FGF13: variants seen among roughly 807,000 people sequenced by gnomAD.
FGF13 encodes the protein fibroblast growth factor 13.
In FGF13, 2 loss-of-function variants were observed where a neutral mutation model predicts 19.5. That is an observed-to-expected ratio of 0.10 (90% CI 0.04 to 0.32). The LOEUF is 0.32. Among genes scored for constraint, FGF13 ranks in the 10% least tolerant of loss-of-function variants. The pLI is 1.00. For missense variants in FGF13, 113 were observed against 192.7 expected (o/e 0.59, Z 2.45); for synonymous variants, 72 against 76.9 (o/e 0.94, Z 0.33).
At chrX:138,890,530 A>G (rs1049141364) in intron 1 of FGF13, among the ~76,000 whole-genome samples, 1 of 111,990 alleles carries the variant, frequency 8.9e-6, no homozygotes, top group Non-Finnish European at 1.9e-5. Flanking sequence ...TTGTACATAC[A>G]TTAATTCACT....
upstream of FGF13, chrX:138,716,592 AAAAT>A (rs1260215901): frequency 1.8e-5 from 2 of 111,776 alleles, no homozygotes; most frequent in African/African-American, 6.5e-5. Context: ...AAAAAAAAGA[AAAAT>A]AAGAAAAAAG....
chrX:138,671,462 C>T (rs1215228410), intron 3 of FGF13, among the ~76,000 whole-genome samples: 1 of 111,644 alleles, frequency 9.0e-6, no homozygotes, highest in Non-Finnish European at 1.9e-5. Context: ...CTCTTGGAAG[C>T]TCTTTCAATG....
intron 1 of FGF13, among the ~76,000 whole-genome samples, chrX:139,030,871 T>C (rs2092224089): frequency 8.9e-6 from 1 of 112,101 alleles, no homozygotes; most frequent in Non-Finnish European, 1.9e-5. Flanking sequence ...ATTAGTCAAA[T>C]GCTAGCCCAG....
chrX:139,015,301 T>C (rs1345238017), intron 1 of FGF13, among the ~76,000 whole-genome samples: 1 of 110,949 alleles, frequency 9.0e-6, no homozygotes, highest in Non-Finnish European at 1.9e-5. Flanking sequence ...TGGTATAATC[T>C]TACATTTGGA....
intron 1 of FGF13, among the ~76,000 whole-genome samples, chrX:139,110,716 G>A (rs1374090985): frequency 8.9e-6 from 1 of 112,329 alleles, no homozygotes; most frequent in Non-Finnish European, 1.9e-5. Context: ...GTCTCCAGCT[G>A]TTTAGCTTTT....
chrX:138,876,628 T>C (rs970535088), intron 1 of FGF13, among the ~76,000 whole-genome samples: 2 of 111,997 alleles, frequency 1.8e-5, no homozygotes, highest in Non-Finnish European at 3.8e-5. Context: ...AACAATCACA[T>C]GAGCTTAGAA....
At chrX:138,833,072 G>A (rs1448599485) in intron 3 of FGF13, among the ~76,000 whole-genome samples, 1 of 111,896 alleles carries the variant, frequency 8.9e-6, no homozygotes, top group Non-Finnish European at 1.9e-5. Flanking sequence ...TAGTCCTGTA[G>A]TATATAGCTT....
chrX:138,742,270 G>A (rs1252228684), upstream of FGF13, among the ~76,000 whole-genome samples: 1 of 112,094 alleles, frequency 8.9e-6, no homozygotes, highest in East Asian at 2.8e-4. Context: ...CAATAGAGAA[G>A]GTGAATACAC....
chrX:138,806,433 C>A (rs746055202), intron 3 of FGF13: 1 of 112,014 alleles, frequency 8.9e-6, no homozygotes, highest in South Asian at 3.8e-4. Flanking sequence ...ATGCCACCAA[C>A]CCCGTCGAGG....
chrX:138,897,303 C>G (rs916906441), intron 1 of FGF13, among the ~76,000 whole-genome samples: 1 of 111,372 alleles, frequency 9.0e-6, no homozygotes, highest in Non-Finnish European at 1.9e-5. Flanking sequence ...AGCCACCACG[C>G]CCAGCTTATT....
chrX:138,956,208 G>A (rs747136052), intron 1 of FGF13, among the ~76,000 whole-genome samples: 4 of 111,432 alleles, frequency 3.6e-5, no homozygotes, highest in South Asian at 3.8e-4. Flanking sequence ...GCACTTTGTC[G>A]AGGAAAAAGA....
At chrX:139,037,584 C>T (rs1444544978) in intron 1 of FGF13, among the ~76,000 whole-genome samples, 2 of 111,558 alleles carry the variant, frequency 1.8e-5, no homozygotes, top group African/African-American at 6.5e-5. Context: ...TATTTTCTCA[C>T]CTTTTCCAGC....
intron 2 of FGF13, among the ~76,000 whole-genome samples, chrX:138,704,651 C>T (rs1486011609): frequency 3.6e-5 from 4 of 111,955 alleles, no homozygotes; most frequent in Non-Finnish European, 3.8e-5. Context: ...GAGCCTACAA[C>T]GTATCGTTCC....
downstream of FGF13, among the ~76,000 whole-genome samples, chrX:138,853,870 G>A (rs1043026346): frequency 1.9e-4 from 21 of 111,111 alleles, no homozygotes; most frequent in Admixed American, 1.6e-3. Flanking sequence ...ATTTATCTTG[G>A]TGTGATTCTC....
chrX:138,692,433 C>T (rs1472611285), intron 3 of FGF13, among the ~76,000 whole-genome samples: 4 of 97,058 alleles, frequency 4.1e-5, no homozygotes, highest in African/African-American at 1.5e-4. Flanking sequence ...ATTATACAAA[C>T]GAGGAGATAG....
intron 1 of FGF13, among the ~76,000 whole-genome samples, chrX:139,175,594 G>A (rs5976298): frequency 0.19 from 20,554 of 110,994 alleles, 1,786 homozygotes; most frequent in East Asian, 0.51. Flanking sequence ...AGTTTATAGA[G>A]AGTTTTTAGC....
intron 1 of FGF13, among the ~76,000 whole-genome samples, chrX:138,873,992 G>A (rs1483693330): frequency 3.5e-5 from 3 of 86,301 alleles, no homozygotes; most frequent in East Asian, 3.7e-4. Flanking sequence ...ATCACACACC[G>A]GGGCCTGTTG....
intron 1 of FGF13, among the ~76,000 whole-genome samples, chrX:138,993,817 T>C (rs1363543784): frequency 9.0e-6 from 1 of 111,546 alleles, no homozygotes; most frequent in Non-Finnish European, 1.9e-5. Context: ...AGTGACACAC[T>C]GTGTTGTCAT....
At chrX:139,111,686 C>T (rs756797026) in intron 1 of FGF13, among the ~76,000 whole-genome samples, 3 of 111,642 alleles carry the variant, frequency 2.7e-5, no homozygotes, top group Non-Finnish European at 5.6e-5. Context: ...AAAAAACACA[C>T]GCTGCTGCTT....
Sources: allele counts gnomAD v4.1 joint callset (sites outside exome capture counted in the v4.1 genomes callset), GRCh38; gene constraint gnomAD v4.1.1; transcripts MANE v1.5; gene names NCBI Gene and HGNC (gene_info 2026-07-23, HGNC 2026-07-21).